The following HEATR5A variants were observed in gnomAD, a reference collection of about 807,000 sequenced individuals.
HEATR5A encodes the protein HEAT repeat containing 5A.
HEATR5A carries 178 observed loss-of-function variants against 218.8 expected under a neutral mutation model. The ratio of observed to expected loss-of-function variants is 0.81; its 90% CI spans 0.72 to 0.92. The LOEUF (loss-of-function observed/expected upper bound fraction) is 0.92. HEATR5A is among the 40% of genes least tolerant of loss of function. HEATR5A has a pLI of 0.00. For synonymous variants in HEATR5A, 864 were observed against 871.6 expected, an observed-to-expected ratio of 0.99 and a Z score of 0.15; for missense variants, 2,420 against 2,418.9, an observed-to-expected ratio of 1.00 and a Z score of -0.01.
At chr14:31,414,959 G>A (rs2031397062) in intron 1 of HEATR5A, among the ~76,000 whole-genome samples, 1 of 152,084 alleles carries the variant, frequency 6.6e-6, no homozygotes, top group Admixed American at 6.6e-5. Context: ...TCCTGCCTCA[G>A]TCTCCTGAGT....
chr14:31,344,492 C>T (rs1022443904), intron 20 of HEATR5A, among the ~76,000 whole-genome samples: 5 of 54,616 alleles, frequency 9.2e-5, no homozygotes, highest in Non-Finnish European at 2.0e-4. Context: ...GTTGGCCAGG[C>T]TGGTCTCGAA....
rs116299446 is a variant in HEATR5A at position 31,345,344 on chromosome 14, T to A, written c.2869-68A>T. The stretch of plus-strand genomic sequence containing the variant: ...TTAAGAAACATAAAATAAATTAACT[T>A]GTTCTTTTGTTGAAGCAAGTGATAA... On this transcript the variant is annotated intron_variant, in intron 19 of 35. Coordinates refer to ENST00000543095, the MANE Select transcript of HEATR5A (RefSeq NM_015473.4). The A allele has an allele frequency of 2.2e-4, 269 of 1,238,374 alleles. 1 individual carries two copies. The African/African-American group carries it at 4.0e-3, about 18-fold the overall frequency. The allele number at this position is 1,238,374 out of a possible 1,614,324, so 76.7% of individuals were successfully genotyped here. A position where few individuals can be genotyped will look rare whatever the true frequency, so the allele number is the denominator to read the frequency against.
chr14:31,345,243 C>T lies in HEATR5A; in HGVS notation c.2902G>A (p.Asp968Asn), dbSNP rs771265881. Residue 968 changes from aspartate (D) to asparagine (N), a missense_variant, in exon 20 of 36, where the codon GAT becomes AAT. Transcript: ENST00000543095. ...ACATAATAGAGTGGGCCAGCAGAAT[C>T]AATGATCAATGATAGAGAATGTAAT... ...WALHSLSLII[D>N]SAGPLYYVHV... 1 of 1,612,680 alleles carries T rather than the reference C, an allele frequency of 6.2e-7. No individual in the cohort carries two copies. The highest frequency in any genetic ancestry group is 1.1e-5 in the South Asian group (1 of 90,890).
chr14:31,384,629 T>A (rs1232654160), intron 9 of HEATR5A, among the ~76,000 whole-genome samples: 2 of 151,770 alleles, frequency 1.3e-5, no homozygotes, highest in Non-Finnish European at 2.9e-5. Context: ...CGGGTTTAAG[T>A]GATCCTCTCG....
intron 14 of HEATR5A, among the ~76,000 whole-genome samples, chr14:31,362,606 CAAAAAAAA>C (rs71115003): frequency 1.6e-4 from 7 of 44,750 alleles, no homozygotes; most frequent in African/African-American, 5.1e-4. Context: ...CTACAAATGA[CAAAAAAAA>C]AAAAAAAAAA....
At position 31,293,318 on chromosome 14, in the gene HEATR5A, G is replaced by T. The variant is rs766479783; in HGVS notation, c.6128C>A (p.Thr2043Asn). The T allele has an allele frequency of 1.9e-6, 3 of 1,587,366 alleles. No individual in the cohort carries two copies. Among genetic ancestry groups the T allele is most frequent in the South Asian group, 2.3e-5 (2 of 85,250 alleles). The change falls in exon 36 of 36, where the codon ACC becomes AAC. Residue 2043 changes from threonine (T) to asparagine (N), a missense_variant. By Grantham distance (65) the Thr-to-Asn change is moderately conservative (BLOSUM62 0). Transcript: ENST00000543095. ...PGKNSSIQLK[T>N]SFL ...CCAAAAAAAAAATCAGAGGAAACTGGTCTTTAATTGGATGCTTGAGTTTTT... is the reference window on the plus strand; with the variant it reads ...CCAAAAAAAAAATCAGAGGAAACTGTTCTTTAATTGGATGCTTGAGTTTTT...
chr14:31,331,407 A>G lies in HEATR5A; in HGVS notation c.3368-5065T>C, dbSNP rs547593573. Among the ~76,000 whole-genome samples the G allele has an allele frequency of 2.0e-5, 3 of 152,262 alleles. No homozygotes were observed. The South Asian group carries it at 6.2e-4, about 32-fold the overall frequency. The stretch of plus-strand genomic sequence containing the variant: ...AAGTTCCTCAACTCAATCTAAGACC[A>G]TCTCACCTTGGGCTTCATTGTCCAC... On this transcript the variant is annotated intron_variant, in intron 22 of 35. Transcript: ENST00000543095.
At position 31,323,679 on chromosome 14, in the gene HEATR5A, T is replaced by C. The variant is rs571312895; in HGVS notation, c.3673A>G (p.Thr1225Ala). 1.2e-6 allele frequency: 2 copies of C among 1,613,774 alleles called. No individual in the cohort carries two copies. Among genetic ancestry groups the C allele is most frequent in the East Asian group, 2.2e-5 (1 of 44,868 alleles). ...SHPFTNPRWA[T>A]RVFAAECVCR... is the part of the protein sequence containing the mutation. ...ACACATTCAGCAGCAAAGACTCTAG[T>C]AGCCCATCGGGGATTGGTAAAAGGA... Residue 1225 changes from threonine to alanine, a missense_variant, in exon 24 of 36, where the codon ACT (threonine) becomes GCT (alanine). Coordinates refer to ENST00000543095, the MANE Select transcript of HEATR5A (RefSeq NM_015473.4).
chr14:31,367,450 A>G (rs1901843499), intron 13 of HEATR5A, among the ~76,000 whole-genome samples: 1 of 151,298 alleles, frequency 6.6e-6, no homozygotes. Flanking sequence ...CCCAGGCTGG[A>G]GTGCAGTGGC....
intron 33 of HEATR5A, among the ~76,000 whole-genome samples, chr14:31,301,379 C>CTGGG (rs766174905): frequency 1.3e-5 from 2 of 152,122 alleles, no homozygotes; most frequent in Non-Finnish European, 2.9e-5. Context: ...CCTCAGCCTC[C>CTGGG]TGGGTAGCTA....
chr14:31,352,541 C>T (rs1047506454), intron 16 of HEATR5A, among the ~76,000 whole-genome samples: 1 of 152,106 alleles, frequency 6.6e-6, no homozygotes, highest in African/African-American at 2.4e-5. Flanking sequence ...TCAGAATAGA[C>T]ATGGGGATCG....
At chr14:31,301,219 C>A (rs141011238) in intron 33 of HEATR5A, among the ~76,000 whole-genome samples, 1,538 of 152,174 alleles carry the variant, frequency 0.01, 21 homozygotes, top group African/African-American at 0.035. Flanking sequence ...AAAATAAAAA[C>A]CTCATAAAAA....
chr14:31,332,925 G>A lies in HEATR5A; in HGVS notation c.3367+4551C>T, dbSNP rs530701750. 3.3e-5 allele frequency among the ~76,000 whole-genome samples: 5 copies of A among 151,278 alleles called. No homozygotes were observed. The South Asian group carries it at 6.3e-4, about 19-fold the overall frequency. The stretch of plus-strand genomic sequence containing the variant: ...CGCTTGAACCCGGAAGACGGAGGTC[G>A]CAGTGAGCCAAGATCGCGCCACTGC... On this transcript the variant is annotated intron_variant, in intron 22 of 35. Coordinates refer to ENST00000543095, the MANE Select transcript of HEATR5A (RefSeq NM_015473.4).
chr14:31,315,658 C>G, intron 27 of HEATR5A, 112 bp downstream of exon 27: 2 of 727,074 alleles, frequency 2.8e-6, no homozygotes, highest in Non-Finnish European at 4.3e-6. Flanking sequence ...TTTTGTTTAA[C>G]CTTAAAAATG....
At chr14:31,403,527 G>A (rs2030951266) in intron 1 of HEATR5A, among the ~76,000 whole-genome samples, 1 of 152,124 alleles carries the variant, frequency 6.6e-6, no homozygotes, top group Non-Finnish European at 1.5e-5. Flanking sequence ...GATCCAAGAG[G>A]GACTTAAGCC....
intron 22 of HEATR5A, among the ~76,000 whole-genome samples, chr14:31,326,620 A>G (rs1566755233): frequency 1.3e-5 from 2 of 152,180 alleles, no homozygotes; most frequent in South Asian, 2.1e-4. Flanking sequence ...GTTTTACCCA[A>G]TTAGTGTCCA....
In HEATR5A at chr14:31,305,127, T is replaced by C. The variant is rs1041544260; in HGVS notation, c.5017A>G (p.Lys1673Glu). 1.2e-6 allele frequency: 2 copies of C among 1,613,990 alleles called. No homozygotes were observed. Among genetic ancestry groups the C allele is most frequent in the South Asian group, 1.1e-5 (1 of 91,080 alleles). The stretch of plus-strand genomic sequence containing the variant: ...CCAGGCACAAGTCCTCCGGTGTCCT[T>C]TCCCTCTCCAAACTCTGGCAGAGTT... ...KETLPEFGEG[K>E]DTGGLVPGKS... The change falls in exon 32 of 36, where the codon AAG becomes GAG. Residue 1673 changes from lysine (K) to glutamate (E), a missense_variant. Coordinates refer to ENST00000543095, the MANE Select transcript of HEATR5A (RefSeq NM_015473.4).
intron 25 of HEATR5A, among the ~76,000 whole-genome samples, chr14:31,318,752 G>C (rs902941595): frequency 2.0e-5 from 3 of 152,208 alleles, no homozygotes; most frequent in Non-Finnish European, 4.4e-5. Flanking sequence ...CTCCCAAAGT[G>C]CTGGGATTAC....
intron 18 of HEATR5A, among the ~76,000 whole-genome samples, chr14:31,348,820 C>A (rs117051852): frequency 1.3e-5 from 2 of 152,112 alleles, no homozygotes; most frequent in African/African-American, 4.8e-5. Flanking sequence ...AAGTTAATAA[C>A]CTGACTCCAT....
Sources: gnomAD v4.1 joint callset for allele counts (sites outside exome capture counted in the v4.1 genomes callset) on GRCh38, gnomAD v4.1.1 for gene constraint, MANE v1.5 for transcripts, NCBI Gene and HGNC (gene_info 2026-07-23, HGNC 2026-07-21) for gene names.